The following ORAI2 variants were observed in gnomAD, a reference collection of about 807,000 sequenced individuals.
The protein encoded by ORAI2 is protein orai-2.
ORAI2 carries 10 observed loss-of-function variants against 16.2 expected under a neutral mutation model. The observed-to-expected ratio is 0.62, with a 90% CI of 0.38 to 1.04. ORAI2 has a LOEUF of 1.04. Ranked by LOEUF, ORAI2 falls within the 50% of genes least tolerant of loss-of-function variation. The probability of loss-of-function intolerance (pLI) is 0.01; values close to 1 mark genes in which losing one functional copy is unlikely to be tolerated. For missense variants in ORAI2, 238 were observed against 355.5 expected, an observed-to-expected ratio of 0.67 and a Z score of 2.66; for synonymous variants, 150 against 157.5, an observed-to-expected ratio of 0.95 and a Z score of 0.35.
At chr7:102,443,320 C>T (rs1036915140) in intron 3 of ORAI2, among the ~76,000 whole-genome samples, 3 of 148,646 alleles carry the variant, frequency 2.0e-5, no homozygotes, top group African/African-American at 7.5e-5. Flanking sequence ...TGTCTGTCGC[C>T]CAGGCTGGAG....
At chr7:102,436,537 G>C (rs990765959) in intron 2 of ORAI2, among the ~76,000 whole-genome samples, 1 of 151,970 alleles carries the variant, frequency 6.6e-6, no homozygotes, top group African/African-American at 2.4e-5. Context: ...GACTAAGTTT[G>C]GGGCATTTCC....
intron 1 of ORAI2, among the ~76,000 whole-genome samples, chr7:102,435,389 GC>G (rs1223459930): frequency 6.6e-6 from 1 of 152,112 alleles, no homozygotes; most frequent in African/African-American, 2.4e-5. Context: ...CAGGCATGAG[GC>G]ACTTTGGCAT....
intron 2 of ORAI2, among the ~76,000 whole-genome samples, chr7:102,436,952 TA>T (rs763788630): frequency 9.2e-5 from 14 of 152,190 alleles, no homozygotes; most frequent in African/African-American, 1.4e-4. Flanking sequence ...TGATGTCAAG[TA>T]AACCACAAGA....
chr7:102,437,727 C>T (rs1043538991), intron 2 of ORAI2, among the ~76,000 whole-genome samples: 2 of 152,114 alleles, frequency 1.3e-5, no homozygotes. Context: ...AGAAGTCTTT[C>T]GTCTTCAGAT....
chr7:102,442,151 C>T (rs749949247), intron 3 of ORAI2, among the ~76,000 whole-genome samples: 5 of 152,138 alleles, frequency 3.3e-5, no homozygotes, highest in Non-Finnish European at 7.4e-5. Context: ...CGGGGTGGCT[C>T]ACGCCTGTAA....
intron 3 of ORAI2, 97 bp downstream of exon 3, chr7:102,439,278 T>C (rs913307323): frequency 9.7e-7 from 1 of 1,026,406 alleles, no homozygotes; most frequent in East Asian, 2.6e-5. Context: ...CCCTCCAGTC[T>C]CTGGCAGCCA....
chr7:102,452,705 G>A lies in ORAI2; in HGVS notation c.*5653G>A, dbSNP rs545165141. 6 of 152,304 alleles carry A rather than the reference G, an allele frequency of 3.9e-5. No homozygotes were observed. Among genetic ancestry groups the A allele is most frequent in the African/African-American group, 1.4e-4 (6 of 41,540 alleles). The allele number at this position is 152,304 out of a possible 1,614,324, so 9.4% of individuals were successfully genotyped here. On this transcript the variant is annotated 3_prime_UTR_variant, in exon 4 of 4. Transcript: ENST00000495936. ...GACCCTCCTGCCTTGGCCTCCCAAA[G>A]TGCTGGGATTACAGGTGCGAGCCAC... is the stretch of plus-strand genomic sequence containing the variant.
chr7:102,440,266 C>T (rs752617560), intron 3 of ORAI2, among the ~76,000 whole-genome samples: 2 of 152,200 alleles, frequency 1.3e-5, no homozygotes, highest in South Asian at 4.1e-4. Context: ...GCCCAGTTAG[C>T]GATGCAGACG....
rs902146866 is a variant in ORAI2 at position 102,456,087 on chromosome 7, C to G, written c.*9035C>G. The G allele has an allele frequency of 5.2e-5, 8 of 153,498 alleles. No homozygotes were observed. Among genetic ancestry groups the G allele is most frequent in the Non-Finnish European group, 5.9e-5 (4 of 68,070 alleles). 9.5% of individuals were successfully genotyped at this position (153,498 alleles called of 1,614,324 possible). ...CCATAGTGGTGGGAGAGAGGGCTGG[C>G]CACATGGGTCCAGGCCACCCCCTCA... On this transcript the variant is annotated 3_prime_UTR_variant, in exon 4 of 4. Transcript: ENST00000495936.
Position 102,450,237 on chromosome 7 carries a change from C to T in ORAI2, c.*3185C>T, listed in dbSNP as rs1797487180. 1 of 152,144 alleles carries T rather than the reference C, an allele frequency of 6.6e-6. No individual in the cohort carries two copies. Among genetic ancestry groups the T allele is most frequent in the Non-Finnish European group, 1.5e-5 (1 of 68,084 alleles). 9.4% of individuals were successfully genotyped at this position (152,144 alleles called of 1,614,324 possible). On this transcript the variant is annotated 3_prime_UTR_variant, in exon 4 of 4. Transcript: ENST00000495936. Reference sequence around the variant, plus strand: ...GAAAATAAAGAAAAAAGAATGTCAGCATGTCAGCGTTCCTCCAAGGAGTGG... The same window carrying T: ...GAAAATAAAGAAAAAAGAATGTCAGTATGTCAGCGTTCCTCCAAGGAGTGG...
rs778467745 is a variant in ORAI2, at chr7:102,439,127, G to C, written c.171G>C (p.Arg57Ser). ...ALSWRKLYLSRAKLKASSRTS... is the reference protein window; with the variant it reads ...ALSWRKLYLSSAKLKASSRTS... ...CGTGGCGGAAGCTCTACCTGAGCAGGGCCAAGCTGAAGGCCTCCAGCAGGA... is the reference window on the plus strand; with the variant it reads ...CGTGGCGGAAGCTCTACCTGAGCAGCGCCAAGCTGAAGGCCTCCAGCAGGA... The change falls in exon 3 of 4, where the codon AGG (arginine) becomes AGC (serine). Residue 57 changes from arginine (R) to serine (S), a missense_variant. Transcript: ENST00000495936. 6.2e-7 allele frequency: 1 copy of C among 1,613,828 alleles called. No homozygotes were observed. The highest frequency in any genetic ancestry group is 1.3e-5 in the African/African-American group (1 of 74,936).
intron 3 of ORAI2, among the ~76,000 whole-genome samples, chr7:102,440,103 A>C (rs138031021): frequency 6.6e-6 from 1 of 152,266 alleles, no homozygotes; most frequent in African/African-American, 2.4e-5. Context: ...TAATTAATTA[A>C]AAAGATAAAA....
At position 102,446,959 on chromosome 7, in the gene ORAI2, C is replaced by T; in HGVS notation, c.672C>T (p.Arg224=). 2 of 1,611,326 alleles carry T rather than the reference C, an allele frequency of 1.2e-6. No individual in the cohort carries two copies. The highest frequency in any genetic ancestry group is 1.7e-6 in the Non-Finnish European group (2 of 1,179,660). Residue 224 remains arginine, a synonymous_variant, in exon 4 of 4, where the codon CGC becomes CGT. Transcript: ENST00000495936. ...TCCACTTCTACCGCTCCCTGGTGCG[C>T]CACAAAACGGAGCGCCACAACCGCG... The part of the protein sequence containing the change: ...FTIHFYRSLV[R]HKTERHNREI...
At position 102,453,954 on chromosome 7, in the gene ORAI2, C is replaced by G. The variant is rs1206586149; in HGVS notation, c.*6902C>G. The G allele has an allele frequency of 6.6e-6, 1 of 152,290 alleles. No individual in the cohort carries two copies. The highest frequency in any genetic ancestry group is 2.4e-5 in the African/African-American group (1 of 41,562). The allele number at this position is 152,290 out of a possible 1,614,324, so 9.4% of individuals were successfully genotyped here. A position where few individuals can be genotyped will look rare whatever the true frequency, so the allele number is the denominator to read the frequency against. On this transcript the variant is annotated 3_prime_UTR_variant, in exon 4 of 4. Coordinates refer to ENST00000495936, the MANE Select transcript of ORAI2 (RefSeq NM_001126340.3). ...ATGTTGGCCAGGCTGGTCTTGAACT[C>G]CTGACCTCAAGTGATCCTCCTGCCT...
At position 102,436,331 on chromosome 7, in the gene ORAI2, C is replaced by G; in HGVS notation, c.-16C>G. 7.1e-6 allele frequency: 7 copies of G among 985,490 alleles called. No homozygotes were observed. The highest frequency in any genetic ancestry group is 8.4e-6 in the Non-Finnish European group (7 of 829,980). 61.0% of individuals were successfully genotyped at this position (985,490 alleles called of 1,614,324 possible). ...CTGAGTTGGCATTCGTATAAATGAC[C>G]TGGTAATTGGCATCCCCTGGCAGAA... On this transcript the variant is annotated splice_region_variant and 5_prime_UTR_variant, in exon 2 of 4. Coordinates refer to ENST00000495936, the MANE Select transcript of ORAI2 (RefSeq NM_001126340.3).
intron 2 of ORAI2, among the ~76,000 whole-genome samples, chr7:102,436,606 C>T (rs1797064357): frequency 6.6e-6 from 1 of 152,188 alleles, no homozygotes; most frequent in African/African-American, 2.4e-5. Context: ...GCCACGCTCC[C>T]TGGGACCTAG....
In ORAI2 at chr7:102,447,065, C is replaced by G; in HGVS notation, c.*13C>G. 1 of 1,518,054 alleles carries G rather than the reference C, an allele frequency of 6.6e-7. No homozygotes were observed. Among genetic ancestry groups the G allele is most frequent in the Non-Finnish European group, 8.8e-7 (1 of 1,136,236 alleles). The allele number at this position is 1,518,054 out of a possible 1,614,324, so 94.0% of individuals were successfully genotyped here. A position where few individuals can be genotyped will look rare whatever the true frequency, so the allele number is the denominator to read the frequency against. ...GCAGGTCTTGTGAGGGGCCGAGGGCCGGGGCTGGGAGCGGCCCTGTGCCCG... is the reference window on the plus strand; with the variant it reads ...GCAGGTCTTGTGAGGGGCCGAGGGCGGGGGCTGGGAGCGGCCCTGTGCCCG... On this transcript the variant is annotated 3_prime_UTR_variant, in exon 4 of 4. Transcript: ENST00000495936.
rs1797396511 is a variant in ORAI2, at chr7:102,447,258, G to A, written c.*206G>A. 7 of 628,796 alleles carry A rather than the reference G, an allele frequency of 1.1e-5. No homozygotes were observed. The South Asian group carries it at 1.3e-4, about 12-fold the overall frequency. The allele number at this position is 628,796 out of a possible 1,614,324, so 39.0% of individuals were successfully genotyped here. The stretch of plus-strand genomic sequence containing the variant: ...GACTGTGTTGCTAAGAGCGTTGGGG[G>A]CAAAGCCAGGCTGGTTCCTTGGCCT... On this transcript the variant is annotated 3_prime_UTR_variant, in exon 4 of 4. Coordinates refer to ENST00000495936, the MANE Select transcript of ORAI2 (RefSeq NM_001126340.3).
intron 2 of ORAI2, among the ~76,000 whole-genome samples, chr7:102,436,772 G>A (rs1385349199): frequency 2.0e-5 from 3 of 151,976 alleles, no homozygotes; most frequent in East Asian, 1.9e-4. Context: ...GTGCAGTGGC[G>A]CAATCTTGGC....
Sources: gnomAD v4.1 joint callset for allele counts (sites outside exome capture counted in the v4.1 genomes callset) on GRCh38, gnomAD v4.1.1 for gene constraint, MANE v1.5 for transcripts, NCBI Gene and HGNC (gene_info 2026-07-23, HGNC 2026-07-21) for gene names.